Variants in PRKG1 observed in about 807,000 individuals in gnomAD.
The protein encoded by PRKG1 is protein kinase cGMP-dependent 1, also known as cGMP-dependent protein kinase 1.
In PRKG1, 35 loss-of-function variants were observed where a neutral mutation model predicts 88.1. That is an observed-to-expected ratio of 0.40 (90% CI 0.30 to 0.53). The LOEUF is 0.53. PRKG1 is among the 20% of genes least tolerant of loss of function. The probability of loss-of-function intolerance (pLI) is 0.59; values close to 1 mark genes in which losing one functional copy is unlikely to be tolerated. For missense variants in PRKG1, 540 were observed against 839.8 expected, an observed-to-expected ratio of 0.64 and a Z score of 4.41; for synonymous variants, 303 against 292.5, an observed-to-expected ratio of 1.04 and a Z score of -0.37.
intron 1 of PRKG1, among the ~76,000 whole-genome samples, chr10:51,045,033 A>G (rs1025031775): frequency 2.0e-5 from 3 of 152,194 alleles, no homozygotes; most frequent in East Asian, 1.9e-4. Flanking sequence ...CAAGGAAACT[A>G]TGTTGTCTTA....
chr10:51,884,243 G>C (rs1235046919), intron 4 of PRKG1, among the ~76,000 whole-genome samples: 2 of 150,162 alleles, frequency 1.3e-5, no homozygotes, highest in Non-Finnish European at 3.0e-5. Context: ...TCAGGAGATC[G>C]AGACCATCCT....
At chr10:52,166,839 G>GTATATATATAAGTATATATATGTATA (rs375678645) in intron 9 of PRKG1, among the ~76,000 whole-genome samples, 1 of 90,484 alleles carries the variant, frequency 1.1e-5, no homozygotes, top group Non-Finnish European at 2.0e-5. Context: ...GTATATATAT[G>GTATATATATAAGTATATATATGTATA]TATATATATG....
chr10:51,056,673 G>C (rs773579299), intron 1 of PRKG1, among the ~76,000 whole-genome samples: 3 of 152,100 alleles, frequency 2.0e-5, no homozygotes, highest in Non-Finnish European at 2.9e-5. Context: ...TGCTGAAACT[G>C]TAGCTACCTT....
chr10:51,410,240 G>GTGTGTT (rs1838043345), intron 2 of PRKG1, among the ~76,000 whole-genome samples: 1 of 120,240 alleles, frequency 8.3e-6, no homozygotes, highest in African/African-American at 3.3e-5. Flanking sequence ...GTGTGTGTAT[G>GTGTGTT]TGTGTGTGTG....
intron 3 of PRKG1, among the ~76,000 whole-genome samples, chr10:51,640,809 G>A (rs1031605685): frequency 2.0e-5 from 3 of 151,876 alleles, no homozygotes; most frequent in Non-Finnish European, 2.9e-5. Flanking sequence ...CTCTTAGCAA[G>A]TAAGCAATAG....
intron 3 of PRKG1, among the ~76,000 whole-genome samples, chr10:51,691,680 T>C (rs1274642693): frequency 6.6e-6 from 1 of 152,192 alleles, no homozygotes; most frequent in Non-Finnish European, 1.5e-5. Context: ...ATCTAATAAT[T>C]ATGTTTTTAT....
At chr10:51,045,546 G>A (rs764732623) in intron 1 of PRKG1, among the ~76,000 whole-genome samples, 6 of 151,982 alleles carry the variant, frequency 3.9e-5, no homozygotes, top group Admixed American at 3.9e-4. Flanking sequence ...GGCTGGTCTC[G>A]AACTCTTGAC....
At position 51,172,220 on chromosome 10, in the gene PRKG1, A is replaced by C. The variant is rs566240747; in HGVS notation, c.478+18890A>C. 8.5e-5 allele frequency among the ~76,000 whole-genome samples: 13 copies of C among 152,116 alleles called. No individual in the cohort carries two copies. In the South Asian group the frequency reaches 2.7e-3, roughly 32 times the overall value. On this transcript the variant is annotated intron_variant, in intron 2 of 17. Coordinates refer to ENST00000373980, the MANE Select transcript of PRKG1 (RefSeq NM_006258.4). ...CAAATTGCCTAACTCTCAAAATCTC[A>C]TCTAACACTCTATTTAAGCTGAATG... is the stretch of plus-strand genomic sequence containing the variant.
chr10:51,503,373 G>T (rs1841093275), intron 3 of PRKG1, among the ~76,000 whole-genome samples: 1 of 152,052 alleles, frequency 6.6e-6, no homozygotes. Context: ...GAAATCCTAG[G>T]TGACAACTCT....
At chr10:51,807,808 G>C (rs1293172309) in intron 4 of PRKG1, among the ~76,000 whole-genome samples, 1 of 152,078 alleles carries the variant, frequency 6.6e-6, no homozygotes, top group Non-Finnish European at 1.5e-5. Context: ...TGGCTTTCGG[G>C]GGGAAAAAGG....
In PRKG1 at chr10:51,321,595, G is replaced by A. The variant is rs370502899; in HGVS notation, c.479-146128G>A. ...GTTGAACTCATGGAGATAGAGAGTAGAAGAATGGTTACCAGAGGCTGGGAA... is the reference window on the plus strand; with the variant it reads ...GTTGAACTCATGGAGATAGAGAGTAAAAGAATGGTTACCAGAGGCTGGGAA... On this transcript the variant is annotated intron_variant, in intron 2 of 17. Coordinates refer to ENST00000373980, the MANE Select transcript of PRKG1 (RefSeq NM_006258.4). Among the ~76,000 whole-genome samples the A allele has an allele frequency of 3.3e-5, 5 of 152,140 alleles. No homozygotes were observed. In the South Asian group the frequency reaches 1.0e-3, roughly 32 times the overall value.
In PRKG1 at chr10:52,193,570, A is replaced by AG. The variant is rs1410709798; in HGVS notation, c.1076+31607_1076+31608insG. On this transcript the variant is annotated intron_variant, in intron 9 of 17. Coordinates refer to ENST00000373980, the MANE Select transcript of PRKG1 (RefSeq NM_006258.4). ...TCTCAAAAAAAAAAAAAACAAAAAA[A>AG]AAAAACAAAAAAAAAACTATTCCAA... is the stretch of plus-strand genomic sequence containing the variant. Among the ~76,000 whole-genome samples, 161 of 141,410 alleles carry AG rather than the reference A, an allele frequency of 1.1e-3. 1 individual carries two copies. Among genetic ancestry groups the AG allele is most frequent in the Admixed American group, 2.5e-3 (36 of 14,372 alleles). The allele number at this position is 141,410 out of a possible 152,430, so 92.8% of individuals were successfully genotyped here. A position where few individuals can be genotyped will look rare whatever the true frequency, so the allele number is the denominator to read the frequency against.
chr10:51,987,826 G>C (rs1024242463), intron 5 of PRKG1, among the ~76,000 whole-genome samples: 5 of 151,982 alleles, frequency 3.3e-5, no homozygotes, highest in African/African-American at 4.8e-5. Flanking sequence ...GATTTAGTAA[G>C]GGACAAGTAT....
chr10:51,867,004 A>G (rs1425546727), intron 4 of PRKG1, among the ~76,000 whole-genome samples: 5 of 152,268 alleles, frequency 3.3e-5, no homozygotes, highest in African/African-American at 1.2e-4. Flanking sequence ...AACCAACTCT[A>G]GAGATTTTAT....
chr10:51,507,385 T>A (rs1841252164), intron 3 of PRKG1, among the ~76,000 whole-genome samples: 1 of 151,942 alleles, frequency 6.6e-6, no homozygotes, highest in African/African-American at 2.4e-5. Flanking sequence ...TCCCAAATAG[T>A]TGGCTAAATG....
chr10:51,300,602 A>G (rs1380894544), intron 2 of PRKG1, among the ~76,000 whole-genome samples: 1 of 152,216 alleles, frequency 6.6e-6, no homozygotes, highest in Admixed American at 6.5e-5. Flanking sequence ...CAAATTTAGT[A>G]AGTTAAATCT....
rs78861126 is a variant in PRKG1 at position 51,263,209 on chromosome 10, T to C, written c.478+109879T>C. The stretch of plus-strand genomic sequence containing the variant: ...AAGCTTATAGTTTGAGCCCTTCAGT[T>C]ATTTAACAGGCCTCATTGATGCCAA... On this transcript the variant is annotated intron_variant, in intron 2 of 17. Transcript: ENST00000373980. 3.7e-3 allele frequency among the ~76,000 whole-genome samples: 566 copies of C among 152,340 alleles called. 6 individuals carry two copies. Among genetic ancestry groups the C allele is most frequent in the African/African-American group, 0.013 (543 of 41,584 alleles).
At chr10:51,873,718 C>T (rs1019557691) in intron 4 of PRKG1, among the ~76,000 whole-genome samples, 15 of 151,916 alleles carry the variant, frequency 9.9e-5, no homozygotes, top group Non-Finnish European at 1.5e-4. Flanking sequence ...TAGTAGAGAA[C>T]GGGTTTCGCC....
chr10:52,184,468 C>A (rs534080937), intron 9 of PRKG1, among the ~76,000 whole-genome samples: 1 of 152,246 alleles, frequency 6.6e-6, no homozygotes, highest in Non-Finnish European at 1.5e-5. Context: ...ATAAACATTT[C>A]TAAATTAATC....
Sources: gnomAD v4.1 joint callset for allele counts (sites outside exome capture counted in the v4.1 genomes callset) on GRCh38, gnomAD v4.1.1 for gene constraint, MANE v1.5 for transcripts, NCBI Gene and HGNC (gene_info 2026-07-23, HGNC 2026-07-21) for gene names.